The following EPHA5 variants were observed in gnomAD, a reference collection of about 807,000 sequenced individuals.
EPHA5 encodes the protein ephrin type-A receptor 5.
EPHA5 carries 60 observed loss-of-function variants against 105.0 expected under a neutral mutation model. The ratio of observed to expected loss-of-function variants is 0.57; its 90% CI spans 0.46 to 0.71. EPHA5 has a LOEUF of 0.71. Ranked by LOEUF, EPHA5 falls within the 30% of genes least tolerant of loss-of-function variation. EPHA5 has a pLI of 0.00. For synonymous variants in EPHA5, 513 were observed against 449.1 expected (o/e 1.14, Z -1.80); for missense variants, 1,218 against 1,274.7 (o/e 0.96, Z 0.68).
At chr4:65,343,015 G>T (rs964333209) in intron 14 of EPHA5, among the ~76,000 whole-genome samples, 1 of 151,948 alleles carries the variant, frequency 6.6e-6, no homozygotes, top group Non-Finnish European at 1.5e-5. Flanking sequence ...AATATAAGAA[G>T]ATTAAAAAAC....
At chr4:65,651,743 A>G (rs1027697679) in intron 1 of EPHA5, among the ~76,000 whole-genome samples, 2 of 152,220 alleles carry the variant, frequency 1.3e-5, no homozygotes, top group Admixed American at 6.5e-5. Flanking sequence ...TATTCATACC[A>G]TAAAGCATAT....
intron 3 of EPHA5, among the ~76,000 whole-genome samples, chr4:65,578,688 C>G (rs971144223): frequency 6.6e-6 from 1 of 152,052 alleles, no homozygotes; most frequent in African/African-American, 2.4e-5. Context: ...GACGAGAGTA[C>G]CGAAAGGACA....
intron 5 of EPHA5, among the ~76,000 whole-genome samples, chr4:65,440,533 C>CACACAG (rs1378174142): frequency 6.6e-6 from 1 of 151,050 alleles, no homozygotes; most frequent in Non-Finnish European, 1.5e-5. Context: ...CACACACACA[C>CACACAG]AGAGGGAGGA....
In EPHA5 at chr4:65,483,439, G is replaced by T. The variant is rs575997007; in HGVS notation, c.1402+6938C>A. Among the ~76,000 whole-genome samples the T allele has an allele frequency of 1.3e-3, 198 of 151,574 alleles. 1 individual carries two copies. Among genetic ancestry groups the T allele is most frequent in the Middle Eastern group, 3.4e-3 (1 of 294 alleles). On this transcript the variant is annotated intron_variant, in intron 5 of 16. Transcript: ENST00000613740. ...TAGATCCCTGAGGAATCGCCACACT[G>T]ACTTCCACAATGGTTGAACTAGTTT...
rs760273757 is a variant in EPHA5 at position 65,443,017 on chromosome 4, C to T, written c.1403-22452G>A. 1.6e-4 allele frequency among the ~76,000 whole-genome samples: 25 copies of T among 152,204 alleles called. No homozygotes were observed. The East Asian group carries it at 2.7e-3, about 16-fold the overall frequency. Reference sequence around the variant, plus strand: ...CCTTTAAAGTCGCTATTTGAACAAACTATATATTCTCCAACAGTTCTTTTC... The same window carrying T: ...CCTTTAAAGTCGCTATTTGAACAAATTATATATTCTCCAACAGTTCTTTTC... On this transcript the variant is annotated intron_variant, in intron 5 of 16. Coordinates refer to ENST00000613740, the MANE Select transcript of EPHA5 (RefSeq NM_001281766.3).
intron 8 of EPHA5, among the ~76,000 whole-genome samples, chr4:65,385,500 G>C (rs1719993481): frequency 6.6e-6 from 1 of 151,850 alleles, no homozygotes; most frequent in Non-Finnish European, 1.5e-5. Flanking sequence ...TGACTTAAGA[G>C]GAAGCTAAAT....
chr4:65,559,557 T>C (rs369805252), intron 3 of EPHA5, among the ~76,000 whole-genome samples: 1 of 152,154 alleles, frequency 6.6e-6, no homozygotes, highest in East Asian at 1.9e-4. Context: ...TGCAAAACAG[T>C]GTGACCACGG....
intron 3 of EPHA5, among the ~76,000 whole-genome samples, chr4:65,540,701 T>C (rs1736735688): frequency 6.6e-6 from 1 of 151,250 alleles, no homozygotes; most frequent in Admixed American, 6.6e-5. Context: ...TTACCTAGGC[T>C]CTTAGATTGT....
intron 3 of EPHA5, among the ~76,000 whole-genome samples, chr4:65,507,683 T>C (rs910876255): frequency 1.3e-5 from 2 of 152,150 alleles, no homozygotes; most frequent in Non-Finnish European, 2.9e-5. Flanking sequence ...GTTATTCGTG[T>C]ATAAGAATGC....
intron 3 of EPHA5, among the ~76,000 whole-genome samples, chr4:65,540,037 A>G (rs539205507): frequency 5.5e-4 from 84 of 151,626 alleles, no homozygotes; most frequent in Non-Finnish European, 1.0e-3. Flanking sequence ...TTCTTCTACA[A>G]GGATGTTCTA....
chr4:65,579,928 CAA>C (rs1018081374), intron 3 of EPHA5, among the ~76,000 whole-genome samples: 12 of 151,828 alleles, frequency 7.9e-5, no homozygotes, highest in African/African-American at 2.9e-4. Flanking sequence ...GATTATACAA[CAA>C]AGATTAAGAT....
chr4:65,575,622 A>G (rs952878496), intron 3 of EPHA5, among the ~76,000 whole-genome samples: 5 of 152,112 alleles, frequency 3.3e-5, no homozygotes, highest in African/African-American at 1.2e-4. Flanking sequence ...GGCCATTAAT[A>G]AGCCTAATAG....
chr4:65,431,814 C>T (rs1725006474), intron 5 of EPHA5, among the ~76,000 whole-genome samples: 1 of 152,002 alleles, frequency 6.6e-6, no homozygotes, highest in Non-Finnish European at 1.5e-5. Context: ...ATTATACAAC[C>T]TTGAGCACAG....
intron 3 of EPHA5, among the ~76,000 whole-genome samples, chr4:65,538,753 C>G (rs1736537056): frequency 6.6e-6 from 1 of 151,620 alleles, no homozygotes; most frequent in Non-Finnish European, 1.5e-5. Context: ...GAACATCGGA[C>G]TAACTTGGGC....
Position 65,669,563 on chromosome 4 carries a change from T to A in EPHA5, c.180A>T (p.Glu60Asp), listed in dbSNP as rs1283610012. ...CGGTCCCCACCCCCATCTCCCTACC[T>A]TCGTTGCTGGGGCTGGCCAGGAGGG... ...LRTLLASPSN[E>D]VNLLDSRTVM... Residue 60 changes from glutamate to aspartate, a missense_variant and splice_region_variant, in exon 1 of 17, where the codon GAA (glutamate) becomes GAT (aspartate). Glu to Asp is a conservative substitution (Grantham distance 45). Around this residue, in one of 3 missense-constraint regions of EPHA5, gnomAD observed 233 missense variants for 227.5 expected, o/e 1.02. Transcript: ENST00000613740. 1 of 1,397,420 alleles carries A rather than the reference T, an allele frequency of 7.2e-7. No individual in the cohort carries two copies. The highest frequency in any genetic ancestry group is 9.3e-7 in the Non-Finnish European group (1 of 1,070,082). 86.6% of individuals were successfully genotyped at this position (1,397,420 alleles called of 1,614,324 possible). A position where few individuals can be genotyped will look rare whatever the true frequency, so the allele number is the denominator to read the frequency against.
intron 2 of EPHA5, among the ~76,000 whole-genome samples, chr4:65,615,317 T>C (rs1745134293): frequency 6.6e-6 from 1 of 151,746 alleles, no homozygotes; most frequent in African/African-American, 2.4e-5. Flanking sequence ...CTGAAACCAA[T>C]TGGGGTACAT....
chr4:65,368,295 A>G (rs1718122385), intron 8 of EPHA5, among the ~76,000 whole-genome samples: 1 of 151,992 alleles, frequency 6.6e-6, no homozygotes, highest in Non-Finnish European at 1.5e-5. Flanking sequence ...TTATTTTGAG[A>G]GTTATGTTCT....
Position 65,595,737 on chromosome 4 carries a change from C to T in EPHA5, c.910+5904G>A, listed in dbSNP as rs181691105. Among the ~76,000 whole-genome samples, 154 of 152,104 alleles carry T rather than the reference C, an allele frequency of 1.0e-3. 1 individual carries two copies. Among genetic ancestry groups the T allele is most frequent in the African/African-American group, 3.5e-3 (147 of 41,476 alleles). On this transcript the variant is annotated intron_variant, in intron 3 of 16. Transcript: ENST00000613740. The stretch of plus-strand genomic sequence containing the variant: ...CTGGGATTACAGGCTCCCGCCACCA[C>T]GCCGGGCTAATTTTTTGTATATTTA...
intron 1 of EPHA5, among the ~76,000 whole-genome samples, chr4:65,646,149 T>C (rs920919848): frequency 6.6e-6 from 1 of 152,182 alleles, no homozygotes; most frequent in African/African-American, 2.4e-5. Flanking sequence ...TTCAGGAACT[T>C]CCTTCTTCAG....
Sources: allele counts gnomAD v4.1 joint callset (sites outside exome capture counted in the v4.1 genomes callset), GRCh38; gene constraint gnomAD v4.1.1; regional missense constraint gnomAD v4.1.1; transcripts MANE v1.5; gene names NCBI Gene and HGNC (gene_info 2026-07-23, HGNC 2026-07-21).